Variants in KLHL7 observed in about 807,000 individuals in gnomAD.
KLHL7 encodes kelch like family member 7.
Under a neutral mutation model 67.4 loss-of-function variants are expected in KLHL7, and 44 were observed. The observed-to-expected ratio is 0.65, with a 90% CI of 0.51 to 0.84. KLHL7 has a LOEUF of 0.84. Among genes scored for constraint, KLHL7 ranks in the 40% least tolerant of loss-of-function variants. The pLI is 0.00. For missense variants in KLHL7, 362 were observed against 718.1 expected, an observed-to-expected ratio of 0.50 and a Z score of 5.67; for synonymous variants, 252 against 243.3, an observed-to-expected ratio of 1.04 and a Z score of -0.33.
In KLHL7 at chr7:23,175,063, A is replaced by G; in HGVS notation, c.*765A>G. The G allele has an allele frequency of 2.2e-6, 1 of 453,978 alleles. No individual in the cohort carries two copies. The allele number at this position is 453,978 out of a possible 1,614,324, so 28.1% of individuals were successfully genotyped here. ...AAATAAAACCCAATCATAGTAAGTG[A>G]TTAACTAGCAAAAAGTAAAGCTATT... On this transcript the variant is annotated 3_prime_UTR_variant, in exon 11 of 11. Coordinates refer to ENST00000339077, the MANE Select transcript of KLHL7 (RefSeq NM_001031710.3).
chr7:23,143,610 A>C lies in KLHL7; in HGVS notation c.619-241A>C, dbSNP rs111288957. On this transcript the variant is annotated intron_variant, in intron 5 of 10. Coordinates refer to ENST00000339077, the MANE Select transcript of KLHL7 (RefSeq NM_001031710.3). The stretch of plus-strand genomic sequence containing the variant: ...TCTTTTTTTTAATCATAAATTCAAC[A>C]TCCTCCCTGTCATTACACTACATAA... Among the ~76,000 whole-genome samples, 578 of 152,166 alleles carry C rather than the reference A, an allele frequency of 3.8e-3. 6 individuals are homozygous for C. The highest frequency in any genetic ancestry group is 0.013 in the African/African-American group (537 of 41,474).
chr7:23,147,094 C>CTTTTTT (rs397889904), intron 6 of KLHL7, among the ~76,000 whole-genome samples: 1 of 118,580 alleles, frequency 8.4e-6, no homozygotes, highest in Non-Finnish European at 1.8e-5. Context: ...TTAACCTGGA[C>CTTTTTT]TTTTTTTTTT....
At chr7:23,146,196 G>T (rs1056227610) in intron 6 of KLHL7, among the ~76,000 whole-genome samples, 1 of 152,176 alleles carries the variant, frequency 6.6e-6, no homozygotes, top group African/African-American at 2.4e-5. Context: ...TTCAATTGTC[G>T]TTTGTTCGGT....
Position 23,164,805 on chromosome 7 carries a change from C to T in KLHL7, c.937-893C>T, listed in dbSNP as rs76779318. On this transcript the variant is annotated intron_variant, in intron 7 of 10. Transcript: ENST00000339077. The stretch of plus-strand genomic sequence containing the variant: ...TCATAGGTTATCAGTCAGATTTTCT[C>T]GAAGGAAACTCAATAATCACACATA... 8.8e-3 allele frequency among the ~76,000 whole-genome samples: 1,337 copies of T among 152,286 alleles called. 26 individuals carry two copies. Among genetic ancestry groups the T allele is most frequent in the African/African-American group, 0.03 (1,244 of 41,560 alleles).
intron 4 of KLHL7, chr7:23,129,724 A>G (rs1348930068): frequency 1.3e-5 from 2 of 158,378 alleles, no homozygotes; most frequent in African/African-American, 4.8e-5. Flanking sequence ...TTTACCAGAA[A>G]AAAACAGGGA....
At chr7:23,149,136 G>A (rs918081295) in intron 6 of KLHL7, among the ~76,000 whole-genome samples, 2 of 152,144 alleles carry the variant, frequency 1.3e-5, no homozygotes, top group African/African-American at 2.4e-5. Flanking sequence ...CAAATGAAGT[G>A]CACAGCCAAA....
At chr7:23,107,034 T>C (rs1782672063) in intron 1 of KLHL7, among the ~76,000 whole-genome samples, 1 of 152,216 alleles carries the variant, frequency 6.6e-6, no homozygotes. Flanking sequence ...CTGCAAAACC[T>C]AGTTTGCTTT....
chr7:23,177,535 T>C lies in KLHL7; in HGVS notation c.*3237T>C, dbSNP rs1353294535. 6.6e-6 allele frequency: 1 copy of C among 152,190 alleles called. No homozygotes were observed. The highest frequency in any genetic ancestry group is 1.5e-5 in the Non-Finnish European group (1 of 68,028). 9.4% of individuals were successfully genotyped at this position (152,190 alleles called of 1,614,324 possible). ...TACAGAATTGTCAATATCAGGATAG[T>C]GCGTAAAAGTACACTCACCATACTG... On this transcript the variant is annotated 3_prime_UTR_variant, in exon 11 of 11. Transcript: ENST00000339077.
At chr7:23,106,808 A>G (rs1782662031) in intron 1 of KLHL7, 7 of 984,752 alleles carry the variant, frequency 7.1e-6, no homozygotes, top group Non-Finnish European at 8.4e-6. Flanking sequence ...GGTTATGAAA[A>G]GAACGGATTT....
At chr7:23,155,896 T>C (rs1384852260) in intron 7 of KLHL7, 4 of 320,628 alleles carry the variant, frequency 1.2e-5, no homozygotes, top group African/African-American at 2.2e-5. Context: ...GCAGGGAGCA[T>C]TGTTCCTAGA....
In KLHL7 at chr7:23,136,084, T is replaced by C. The variant is rs190535963; in HGVS notation, c.443-4685T>C. Among the ~76,000 whole-genome samples, 17 of 152,320 alleles carry C rather than the reference T, an allele frequency of 1.1e-4. No homozygotes were observed. In the East Asian group the frequency reaches 2.7e-3, roughly 24 times the overall value. ...GCCATGAGAAGAAGGCTAGAGACCA[T>C]AGGGCAGAGATCAACTATCCCAGCT... is the stretch of plus-strand genomic sequence containing the variant. On this transcript the variant is annotated intron_variant, in intron 4 of 10. Transcript: ENST00000339077.
In KLHL7 at chr7:23,175,802, A is replaced by C. The variant is rs1180805849; in HGVS notation, c.*1504A>C. The C allele has an allele frequency of 1.2e-5, 2 of 162,386 alleles. No individual in the cohort carries two copies. Among genetic ancestry groups the C allele is most frequent in the African/African-American group, 4.8e-5 (2 of 41,378 alleles). The allele number at this position is 162,386 out of a possible 1,614,324, so 10.1% of individuals were successfully genotyped here. On this transcript the variant is annotated 3_prime_UTR_variant, in exon 11 of 11. Transcript: ENST00000339077. ...ATGATGAGACCCCGTCTCTACTAAA[A>C]ATACAAAAATTAGCCAGGCCTGGTG...
intron 1 of KLHL7, among the ~76,000 whole-genome samples, chr7:23,108,062 T>C (rs561455841): frequency 1.3e-5 from 2 of 152,334 alleles, no homozygotes; most frequent in East Asian, 3.9e-4. Flanking sequence ...TCTTGTTCTT[T>C]AGTAAATATT....
chr7:23,130,147 G>T (rs1416780214), intron 4 of KLHL7, among the ~76,000 whole-genome samples: 1 of 152,096 alleles, frequency 6.6e-6, no homozygotes. Flanking sequence ...ATCCGTTAGA[G>T]CAAAATTAAA....
intron 4 of KLHL7, among the ~76,000 whole-genome samples, chr7:23,135,351 A>G (rs1783940602): frequency 6.6e-6 from 1 of 152,196 alleles, no homozygotes; most frequent in African/African-American, 2.4e-5. Context: ...GTGACCTAGC[A>G]TATGGTCTAT....
chr7:23,156,690 A>T (rs1015812418), intron 7 of KLHL7, among the ~76,000 whole-genome samples: 2 of 152,210 alleles, frequency 1.3e-5, no homozygotes, highest in Non-Finnish European at 2.9e-5. Flanking sequence ...CAGAGCCTGT[A>T]AATTACTAAG....
rs1785280437 is a variant in KLHL7, at chr7:23,175,659, C to T, written c.*1361C>T. 3.8e-6 allele frequency: 1 copy of T among 265,920 alleles called. No homozygotes were observed. The highest frequency in any genetic ancestry group is 7.2e-6 in the Non-Finnish European group (1 of 138,370). The allele number at this position is 265,920 out of a possible 1,614,324, so 16.5% of individuals were successfully genotyped here. On this transcript the variant is annotated 3_prime_UTR_variant, in exon 11 of 11. Transcript: ENST00000339077. ...ATAATTCACATACCATACAATTCAC[C>T]ATTTAAAGTATACTATTCAGGCCAG...
chr7:23,141,041 T>C, intron 5 of KLHL7, 97 bp downstream of exon 5: 1 of 1,052,456 alleles, frequency 9.5e-7, no homozygotes, highest in Admixed American at 1.7e-5. Flanking sequence ...AAGAGTCATA[T>C]TAGGAAAGAA....
intron 6 of KLHL7, among the ~76,000 whole-genome samples, chr7:23,145,728 T>G (rs1583695548): frequency 6.6e-6 from 1 of 152,278 alleles, no homozygotes; most frequent in East Asian, 1.9e-4. Flanking sequence ...TAATCCATAT[T>G]TGTATTTGTT....
Sources: gnomAD v4.1 joint callset for allele counts (sites outside exome capture counted in the v4.1 genomes callset) on GRCh38, gnomAD v4.1.1 for gene constraint, MANE v1.5 for transcripts, NCBI Gene and HGNC (gene_info 2026-07-23, HGNC 2026-07-21) for gene names.